Variants in ABCC4 observed in about 807,000 individuals in gnomAD.
ABCC4 encodes ATP-binding cassette sub-family C member 4.
A neutral mutation model predicts 168.5 loss-of-function variants in ABCC4; 102 were observed. The ratio of observed to expected loss-of-function variants is 0.61; its 90% CI spans 0.52 to 0.71. The LOEUF (loss-of-function observed/expected upper bound fraction) is 0.71, where lower values mean the gene tolerates loss of function less well. Ranked by LOEUF, ABCC4 falls within the 30% of genes least tolerant of loss-of-function variation. The pLI, the probability that ABCC4 is intolerant of heterozygous loss-of-function variation, is 0.00. For synonymous variants in ABCC4, 617 were observed against 590.7 expected (o/e 1.04, Z -0.65); for missense variants, 1,402 against 1,605.8 (o/e 0.87, Z 2.17).
chr13:95,247,571 G>T, intron 2 of ABCC4, 72 bp downstream of exon 2: 1 of 1,200,094 alleles, frequency 8.3e-7, no homozygotes, highest in Non-Finnish European at 1.2e-6. Context: ...CAGGACCCAG[G>T]AAGGCAAAAC....
intron 26 of ABCC4, among the ~76,000 whole-genome samples, chr13:95,059,492 G>A (rs1292874677): frequency 1.3e-5 from 2 of 152,190 alleles, no homozygotes; most frequent in Admixed American, 6.5e-5. Flanking sequence ...GCCTGCTCGC[G>A]AAATGCAAAG....
intron 3 of ABCC4, among the ~76,000 whole-genome samples, chr13:95,240,205 C>T (rs193290980): frequency 6.6e-6 from 1 of 152,320 alleles, no homozygotes; most frequent in East Asian, 1.9e-4. Flanking sequence ...AATCTAGACC[C>T]TGGGAATCCG....
chr13:95,040,624 T>C (rs1423732547), intron 29 of ABCC4, among the ~76,000 whole-genome samples: 1 of 152,222 alleles, frequency 6.6e-6, no homozygotes, highest in Non-Finnish European at 1.5e-5. Context: ...AGAAGTAATT[T>C]TTCCTCTTCT....
intron 1 of ABCC4, among the ~76,000 whole-genome samples, chr13:95,280,937 A>C (rs2041105070): frequency 6.6e-6 from 1 of 152,156 alleles, no homozygotes; most frequent in African/African-American, 2.4e-5. Context: ...TTAAGGAAAA[A>C]CAAGGACTAC....
chr13:95,217,819 C>T (rs1350374291), intron 4 of ABCC4, among the ~76,000 whole-genome samples: 3 of 152,158 alleles, frequency 2.0e-5, no homozygotes, highest in Non-Finnish European at 4.4e-5. Flanking sequence ...ATGGCTCTTA[C>T]CCAGTGTCAA....
chr13:95,272,925 C>T (rs1440467919), intron 1 of ABCC4, among the ~76,000 whole-genome samples: 2 of 151,646 alleles, frequency 1.3e-5, no homozygotes, highest in South Asian at 2.1e-4. Context: ...TAAACATGTG[C>T]TGGACAAACC....
chr13:95,210,036 C>T (rs1173514874), intron 5 of ABCC4, among the ~76,000 whole-genome samples: 2 of 152,230 alleles, frequency 1.3e-5, no homozygotes, highest in Non-Finnish European at 2.9e-5. Flanking sequence ...GAAACCAAGT[C>T]TTATTCATTG....
At chr13:95,159,093 T>TTATATATATATATATATATATATATA (rs554884258) in intron 19 of ABCC4, among the ~76,000 whole-genome samples, 1 of 61,014 alleles carries the variant, frequency 1.6e-5, no homozygotes, top group Non-Finnish European at 3.5e-5. Flanking sequence ...TAAATAAATT[T>TTATATATATATATATATATATATATA]TATATATATA....
chr13:95,087,527 A>G (rs2034297748), intron 20 of ABCC4, among the ~76,000 whole-genome samples: 1 of 152,196 alleles, frequency 6.6e-6, no homozygotes, highest in Admixed American at 6.5e-5. Context: ...AATGACTAAC[A>G]TAACAGGTTG....
intron 30 of ABCC4, among the ~76,000 whole-genome samples, chr13:95,024,625 G>C (rs1454017905): frequency 2.6e-5 from 4 of 152,146 alleles, no homozygotes; most frequent in Non-Finnish European, 5.9e-5. Context: ...GACCCTGTCA[G>C]TTCATTTTTA....
intron 1 of ABCC4, among the ~76,000 whole-genome samples, chr13:95,267,988 T>C (rs1407495583): frequency 6.6e-6 from 1 of 152,170 alleles, no homozygotes; most frequent in African/African-American, 2.4e-5. Flanking sequence ...ATTTCCTGGC[T>C]GGCAATACTC....
intron 21 of ABCC4, among the ~76,000 whole-genome samples, chr13:95,076,716 C>T (rs747068400): frequency 1.8e-4 from 27 of 152,106 alleles, no homozygotes; most frequent in Non-Finnish European, 3.1e-4. Context: ...CTGCCCACCT[C>T]GGCCTCCCAA....
intron 19 of ABCC4, among the ~76,000 whole-genome samples, chr13:95,160,462 AT>A (rs1413109495): frequency 6.6e-6 from 1 of 152,220 alleles, no homozygotes; most frequent in East Asian, 1.9e-4. Context: ...TAAGAAGCGC[AT>A]AGTGCAGAGG....
At chr13:95,035,631 T>C (rs1486942838) in intron 29 of ABCC4, among the ~76,000 whole-genome samples, 3 of 152,214 alleles carry the variant, frequency 2.0e-5, no homozygotes, top group Non-Finnish European at 4.4e-5. Context: ...AGCTGCTTTA[T>C]TGCTCATTAA....
Position 95,083,242 on chromosome 13 carries a change from G to T in ABCC4, c.2584C>A (p.Pro862Thr), listed in dbSNP as rs1320355720. The change falls in exon 21 of 31, where the codon CCT (proline) becomes ACT (threonine). Residue 862 changes from proline (P) to threonine (T), a missense_variant. Physicochemically the swap from Pro to Thr is conservative, Grantham distance 38. This residue lies in a region of ABCC4 where 1,007 missense variants were observed against 1,127.3 expected (regional missense o/e 0.89). Transcript: ENST00000645237. ...GVVSVAVAVI[P>T]WIAIPLVPLG... ...GGAACCAAGGGTATTGCGATCCAAG[G>T]AATCACGGCCACAGCCACAGAGACC... 71 of 1,613,776 alleles carry T rather than the reference G, an allele frequency of 4.4e-5. No individual in the cohort carries two copies. The highest frequency in any genetic ancestry group is 5.5e-5 in the Non-Finnish European group (65 of 1,179,914).
At chr13:95,195,927 C>A (rs2038402512) in intron 8 of ABCC4, among the ~76,000 whole-genome samples, 1 of 152,190 alleles carries the variant, frequency 6.6e-6, no homozygotes, top group Non-Finnish European at 1.5e-5. Flanking sequence ...AGCCACCATG[C>A]TACACCTACA....
chr13:95,255,860 T>C (rs1365446282), intron 1 of ABCC4, among the ~76,000 whole-genome samples: 1 of 152,136 alleles, frequency 6.6e-6, no homozygotes, highest in Non-Finnish European at 1.5e-5. Context: ...CTCTGGTTCA[T>C]CCACAGCCTT....
intron 20 of ABCC4, among the ~76,000 whole-genome samples, chr13:95,112,149 T>TC (rs1488138341): frequency 2.0e-5 from 3 of 152,158 alleles, no homozygotes; most frequent in African/African-American, 7.2e-5. Context: ...GGTTAGGAGT[T>TC]CGAGACCAGC....
chr13:95,050,475 A>G (rs1364108549), intron 27 of ABCC4, among the ~76,000 whole-genome samples: 1 of 152,220 alleles, frequency 6.6e-6, no homozygotes, highest in Non-Finnish European at 1.5e-5. Flanking sequence ...TCTTTGTCTC[A>G]TTACCCCCAA....
Sources: allele counts gnomAD v4.1 joint callset (sites outside exome capture counted in the v4.1 genomes callset), GRCh38; gene constraint gnomAD v4.1.1; regional missense constraint gnomAD v4.1.1; transcripts MANE v1.5; gene names NCBI Gene and HGNC (gene_info 2026-07-23, HGNC 2026-07-21).